The following FRMPD4 variants were observed in gnomAD, a reference collection of about 807,000 sequenced individuals.
FRMPD4 encodes the protein FERM and PDZ domain containing 4.
Under a neutral mutation model 94.1 loss-of-function variants are expected in FRMPD4, and 22 were observed. The ratio of observed to expected loss-of-function variants is 0.23; its 90% CI spans 0.17 to 0.33. FRMPD4 has a LOEUF of 0.33. FRMPD4 is among the 10% of genes least tolerant of loss of function. The pLI is 1.00. For missense variants in FRMPD4, 1,111 were observed against 1,339.9 expected (o/e 0.83, Z 2.67); for synonymous variants, 631 against 548.6 (o/e 1.15, Z -2.10).
intron 3 of FRMPD4, among the ~76,000 whole-genome samples, chrX:12,084,756 T>G (rs929498424): frequency 8.9e-6 from 1 of 112,271 alleles, no homozygotes; most frequent in Non-Finnish European, 1.9e-5. Flanking sequence ...CCACATTGGT[T>G]GGAAGCTTTG....
At chrX:11,910,302 G>C (rs1362647004) in intron 3 of FRMPD4, among the ~76,000 whole-genome samples, 1 of 112,171 alleles carries the variant, frequency 8.9e-6, no homozygotes, top group East Asian at 2.8e-4. Flanking sequence ...AATAATTTAA[G>C]AAGAGGCATT....
chrX:11,965,823 G>T (rs1289828123), intron 3 of FRMPD4, among the ~76,000 whole-genome samples: 1 of 112,118 alleles, frequency 8.9e-6, no homozygotes, highest in African/African-American at 3.2e-5. Flanking sequence ...TATGGAGTTT[G>T]AATAGTGTCT....
At chrX:12,706,203 C>T (rs1455822129) in intron 11 of FRMPD4, among the ~76,000 whole-genome samples, 2 of 110,959 alleles carry the variant, frequency 1.8e-5, no homozygotes, top group Non-Finnish European at 3.8e-5. Context: ...TTGTGAAACT[C>T]AACAGATTTT....
At chrX:12,303,248 G>C (rs1190777007) in intron 1 of FRMPD4, among the ~76,000 whole-genome samples, 1 of 111,838 alleles carries the variant, frequency 8.9e-6, no homozygotes, top group Non-Finnish European at 1.9e-5. Context: ...GATAAAATCT[G>C]AATGTACTAT....
chrX:11,968,823 C>T (rs1488579218), intron 3 of FRMPD4, among the ~76,000 whole-genome samples: 1 of 112,186 alleles, frequency 8.9e-6, no homozygotes, highest in Admixed American at 9.4e-5. Flanking sequence ...CTGTCAGGTG[C>T]ATCTGCTATA....
intron 4 of FRMPD4, among the ~76,000 whole-genome samples, chrX:12,629,214 A>G (rs2059374171): frequency 8.9e-6 from 1 of 112,352 alleles, no homozygotes; most frequent in African/African-American, 3.2e-5. Context: ...TAAAACCTAG[A>G]TATTTCTTTA....
At chrX:12,057,741 C>T (rs2054862623) in intron 3 of FRMPD4, among the ~76,000 whole-genome samples, 3 of 110,942 alleles carry the variant, frequency 2.7e-5, no homozygotes, top group South Asian at 7.8e-4. Flanking sequence ...TCTGTCTTTC[C>T]GTGATTATCT....
intron 1 of FRMPD4, among the ~76,000 whole-genome samples, chrX:12,286,064 GTTCTTTTCTT>G (rs770519315): frequency 8.9e-6 from 1 of 111,774 alleles, no homozygotes; most frequent in East Asian, 2.8e-4. Context: ...TTCCATGATG[GTTCTTTTCTT>G]TTCTTTTCTT....
intron 1 of FRMPD4, among the ~76,000 whole-genome samples, chrX:12,159,496 G>A (rs1206606024): frequency 9.0e-6 from 1 of 111,682 alleles, no homozygotes; most frequent in Non-Finnish European, 1.9e-5. Context: ...CTCCCCTGGG[G>A]GTGGGTAAAG....
At chrX:12,044,456 A>G (rs761634716) in intron 3 of FRMPD4, among the ~76,000 whole-genome samples, 1 of 112,162 alleles carries the variant, frequency 8.9e-6, no homozygotes, top group South Asian at 3.8e-4. Context: ...CTCAAGCAAG[A>G]GAGAAAGCAA....
At chrX:11,909,416 T>C (rs918937791) in intron 3 of FRMPD4, among the ~76,000 whole-genome samples, 1 of 111,772 alleles carries the variant, frequency 8.9e-6, no homozygotes, top group Non-Finnish European at 1.9e-5. Context: ...ATTCCTGACA[T>C]TGTTGATATG....
chrX:12,215,456 T>C (rs1474130305), intron 1 of FRMPD4, among the ~76,000 whole-genome samples: 1 of 111,710 alleles, frequency 9.0e-6, no homozygotes. Context: ...CATAACTGTC[T>C]TCTTCTCTTT....
At chrX:12,353,930 G>A (rs2055852895) in intron 1 of FRMPD4, among the ~76,000 whole-genome samples, 1 of 111,893 alleles carries the variant, frequency 8.9e-6, no homozygotes, top group Non-Finnish European at 1.9e-5. Flanking sequence ...ACTCCTAGGA[G>A]AAAGACACGA....
rs185583806 is a variant in FRMPD4, at chrX:12,440,706, G to A, written c.42-57974G>A. Reference sequence around the variant, plus strand: ...ATAGGGTGTGTGGGGACTTGGGAGGGGGGGGAGCAGCAACAGAAATGAAAA... The same window carrying A: ...ATAGGGTGTGTGGGGACTTGGGAGGAGGGGGAGCAGCAACAGAAATGAAAA... On this transcript the variant is annotated intron_variant, in intron 1 of 16. Transcript: ENST00000675598. 9.0e-5 allele frequency among the ~76,000 whole-genome samples: 10 copies of A among 111,013 alleles called. No homozygotes were observed. In the South Asian group the frequency reaches 1.6e-3, roughly 17 times the overall value.
At chrX:11,941,460 A>G (rs1246775572) in intron 3 of FRMPD4, among the ~76,000 whole-genome samples, 1 of 112,079 alleles carries the variant, frequency 8.9e-6, no homozygotes, top group East Asian at 2.8e-4. Flanking sequence ...ATACAGAAGC[A>G]TTCTACTCTT....
chrX:12,706,894 T>G lies in FRMPD4; in HGVS notation c.1266T>G (p.Arg422=). 8.8e-7 allele frequency: 1 copy of G among 1,136,890 alleles called. No individual in the cohort carries two copies. The highest frequency in any genetic ancestry group is 1.2e-6 in the Non-Finnish European group (1 of 834,490). 93.7% of individuals were successfully genotyped at this position (1,136,890 alleles called of 1,213,427 possible). ...FLSDLRLYGG[R]VFKATLVQAE... ...GTGACCTACGATTGTATGGGGGCCG[T>G]GTGTTCAAGGCAACATTAGTGGTAA... is the stretch of plus-strand genomic sequence containing the variant. The change falls in exon 12 of 17, where the codon CGT becomes CGG. Residue 422 remains arginine (R), a synonymous_variant. Transcript: ENST00000675598.
chrX:12,699,156 AT>A (rs1430596997), intron 9 of FRMPD4, among the ~76,000 whole-genome samples: 1 of 112,168 alleles, frequency 8.9e-6, no homozygotes, highest in Non-Finnish European at 1.9e-5. Flanking sequence ...ATGGGACTGT[AT>A]AAAATGACCC....
chrX:12,676,991 C>T (rs1245554366), intron 5 of FRMPD4, among the ~76,000 whole-genome samples: 2 of 111,938 alleles, frequency 1.8e-5, no homozygotes, highest in Non-Finnish European at 1.9e-5. Flanking sequence ...ACCACCTCCT[C>T]GGCCTCGCTA....
intron 1 of FRMPD4, among the ~76,000 whole-genome samples, chrX:12,195,307 TAGA>T (rs72543042): frequency 0.14 from 15,741 of 111,249 alleles, 1,361 homozygotes; most frequent in African/African-American, 0.31. Flanking sequence ...GGTGATTTTT[TAGA>T]AGGACCCATG....
Sources: allele counts gnomAD v4.1 joint callset (sites outside exome capture counted in the v4.1 genomes callset), GRCh38; gene constraint gnomAD v4.1.1; transcripts MANE v1.5; gene names NCBI Gene and HGNC (gene_info 2026-07-23, HGNC 2026-07-21).